Variants in EXOC2 observed in about 807,000 individuals in gnomAD.
The protein encoded by EXOC2 is SEC5-like 1.
Under a neutral mutation model 131.8 loss-of-function variants are expected in EXOC2, and 70 were observed. That is an observed-to-expected ratio of 0.53 (90% CI 0.44 to 0.65). The LOEUF is 0.65. Among genes scored for constraint, EXOC2 ranks in the 30% least tolerant of loss-of-function variants. The pLI is 0.00. For synonymous variants in EXOC2, 411 were observed against 398.4 expected, an observed-to-expected ratio of 1.03 and a Z score of -0.38; for missense variants, 923 against 1,108.6, an observed-to-expected ratio of 0.83 and a Z score of 2.38.
intron 7 of EXOC2, among the ~76,000 whole-genome samples, chr6:600,212 T>G (rs1194534519): frequency 1.3e-5 from 2 of 152,066 alleles, no homozygotes; most frequent in Non-Finnish European, 2.9e-5. Context: ...CTAAATAATG[T>G]TTAAATTCTG....
intron 7 of EXOC2, among the ~76,000 whole-genome samples, chr6:607,146 G>A (rs987866061): frequency 6.6e-6 from 1 of 152,192 alleles, no homozygotes; most frequent in South Asian, 2.1e-4. Context: ...CTGCCCTGTG[G>A]GAACCGCAGT....
chr6:644,633 T>C (rs1394846877), intron 1 of EXOC2, among the ~76,000 whole-genome samples: 1 of 152,128 alleles, frequency 6.6e-6, no homozygotes, highest in Non-Finnish European at 1.5e-5. Context: ...ATAGCACTAA[T>C]AGCCGAATTT....
At chr6:590,069 C>T (rs909096091) in intron 11 of EXOC2, among the ~76,000 whole-genome samples, 4 of 149,646 alleles carry the variant, frequency 2.7e-5, no homozygotes, top group African/African-American at 4.9e-5. Context: ...GAGCTGAGAT[C>T]GAGCCACTGC....
chr6:486,586 A>C lies in EXOC2; in HGVS notation c.*85T>G. 1.6e-6 allele frequency: 2 copies of C among 1,232,676 alleles called. No homozygotes were observed. The highest frequency in any genetic ancestry group is 1.2e-6 in the Non-Finnish European group (1 of 857,872). The allele number at this position is 1,232,676 out of a possible 1,614,324, so 76.4% of individuals were successfully genotyped here. On this transcript the variant is annotated 3_prime_UTR_variant, in exon 28 of 28. Transcript: ENST00000230449. ...AGAAAAATGGCAAACCCAATGTTTAATACACCAAATACCTTTAGGGTACTT... is the reference window on the plus strand; with the variant it reads ...AGAAAAATGGCAAACCCAATGTTTACTACACCAAATACCTTTAGGGTACTT...
At chr6:631,918 A>G (rs1201193116) in intron 3 of EXOC2, among the ~76,000 whole-genome samples, 1 of 152,232 alleles carries the variant, frequency 6.6e-6, no homozygotes, top group African/African-American at 2.4e-5. Context: ...GTGGAGAACA[A>G]TGCTGCAGAA....
chr6:682,450 T>C (rs1764454808), intron 1 of EXOC2, among the ~76,000 whole-genome samples: 1 of 152,150 alleles, frequency 6.6e-6, no homozygotes, highest in Admixed American at 6.5e-5. Context: ...TCTGCCCGCC[T>C]TGGCCTCTCA....
At chr6:505,727 C>T (rs1298914248) in intron 23 of EXOC2, among the ~76,000 whole-genome samples, 2 of 152,198 alleles carry the variant, frequency 1.3e-5, no homozygotes, top group Admixed American at 6.5e-5. Flanking sequence ...TCCTATTGGA[C>T]CGTACACTCC....
intron 1 of EXOC2, among the ~76,000 whole-genome samples, chr6:664,746 A>G (rs1029051189): frequency 3.3e-5 from 5 of 152,214 alleles, no homozygotes; most frequent in Non-Finnish European, 7.3e-5. Flanking sequence ...ATGTAGGAGA[A>G]TAAAACTGGA....
At chr6:594,506 C>T (rs1349965128) in intron 10 of EXOC2, among the ~76,000 whole-genome samples, 4 of 152,122 alleles carry the variant, frequency 2.6e-5, no homozygotes, top group East Asian at 1.9e-4. Context: ...CTTTTAGGGA[C>T]GGTGTTCCTT....
At chr6:545,369 T>C (rs1230945709) in intron 22 of EXOC2, among the ~76,000 whole-genome samples, 1 of 152,162 alleles carries the variant, frequency 6.6e-6, no homozygotes, top group African/African-American at 2.4e-5. Context: ...AATTATACGC[T>C]GAAGTTTATT....
At chr6:610,717 G>A (rs188675691) in intron 6 of EXOC2, among the ~76,000 whole-genome samples, 10 of 152,276 alleles carry the variant, frequency 6.6e-5, no homozygotes, top group East Asian at 3.9e-4. Context: ...GAGTAAATTC[G>A]GTTCTCAAAT....
intron 25 of EXOC2, among the ~76,000 whole-genome samples, chr6:492,969 A>T (rs1395600420): frequency 6.6e-6 from 1 of 152,264 alleles, no homozygotes; most frequent in African/African-American, 2.4e-5. Context: ...AAGCATGAAT[A>T]AGTGTGATCT....
chr6:487,274 A>G (rs990843083), intron 27 of EXOC2, among the ~76,000 whole-genome samples: 1 of 152,040 alleles, frequency 6.6e-6, no homozygotes, highest in African/African-American at 2.4e-5. Context: ...ATTAACAGGT[A>G]TTAGAGAGTG....
intron 12 of EXOC2, among the ~76,000 whole-genome samples, chr6:575,193 C>G (rs986680972): frequency 1.3e-5 from 2 of 152,162 alleles, no homozygotes; most frequent in South Asian, 2.1e-4. Flanking sequence ...ACCCATTGCC[C>G]GTGTGCCCCG....
In EXOC2 at chr6:576,833, A is replaced by G; in HGVS notation, c.1242T>C (p.Arg414=). 1 of 1,614,136 alleles carries G rather than the reference A, an allele frequency of 6.2e-7. No individual in the cohort carries two copies. Residue 414 remains arginine, a synonymous_variant, in exon 12 of 28, where the codon CGT becomes CGC. Coordinates refer to ENST00000230449, the MANE Select transcript of EXOC2 (RefSeq NM_018303.6). ...SPMLDLDNDT[R]PSVLGHLSQT... ...GACTGAGATGGCCCAACACTGAGGG[A>G]CGTGTATCATTATCAAGATCCAACA...
At chr6:488,059 G>A (rs531898474) in intron 27 of EXOC2, among the ~76,000 whole-genome samples, 1 of 152,326 alleles carries the variant, frequency 6.6e-6, no homozygotes, top group Non-Finnish European at 1.5e-5. Flanking sequence ...GGAAGAAAGG[G>A]CTGATTGTGC....
intron 1 of EXOC2, among the ~76,000 whole-genome samples, chr6:672,161 T>C (rs1763905138): frequency 6.6e-6 from 1 of 152,198 alleles, no homozygotes; most frequent in Non-Finnish European, 1.5e-5. Flanking sequence ...CTGAAGACTC[T>C]ATTGATGTTT....
intron 1 of EXOC2, among the ~76,000 whole-genome samples, chr6:651,854 G>A (rs997674747): frequency 6.6e-6 from 1 of 151,652 alleles, no homozygotes. Flanking sequence ...TCAGGAATTC[G>A]AGACCAGTCT....
At chr6:542,526 C>T (rs771054693) in intron 22 of EXOC2, among the ~76,000 whole-genome samples, 2 of 151,974 alleles carry the variant, frequency 1.3e-5, no homozygotes, top group Admixed American at 6.6e-5. Context: ...TTGTGAAGTC[C>T]GGATTGACTG....
Sources: gnomAD v4.1 joint callset for allele counts (sites outside exome capture counted in the v4.1 genomes callset) on GRCh38, gnomAD v4.1.1 for gene constraint, MANE v1.5 for transcripts, NCBI Gene and HGNC (gene_info 2026-07-23, HGNC 2026-07-21) for gene names.